CFAP47: variants seen among roughly 807,000 people sequenced by gnomAD.
CFAP47 encodes cilia- and flagella-associated protein 47.
In CFAP47, 29 loss-of-function variants were observed where a neutral mutation model predicts 148.1. The observed-to-expected ratio is 0.20, with a 90% CI of 0.15 to 0.27. The LOEUF is 0.27. Ranked by LOEUF, CFAP47 falls within the 10% of genes least tolerant of loss-of-function variation. CFAP47 has a pLI of 1.00. For synonymous variants in CFAP47, 664 were observed against 577.3 expected, an observed-to-expected ratio of 1.15 and a Z score of -2.15; for missense variants, 1,872 against 1,697.5, an observed-to-expected ratio of 1.10 and a Z score of -1.81.
At chrX:35,945,807 G>T (rs1320923087) in intron 3 of CFAP47, among the ~76,000 whole-genome samples, 1 of 108,966 alleles carries the variant, frequency 9.2e-6, no homozygotes, top group African/African-American at 3.3e-5. Flanking sequence ...TATCTGAGAA[G>T]AAATGAAAAT....
chrX:35,928,729 C>G (rs1935782553), intron 2 of CFAP47, among the ~76,000 whole-genome samples: 1 of 110,788 alleles, frequency 9.0e-6, no homozygotes, highest in Admixed American at 9.6e-5. Flanking sequence ...TCTAAGAACT[C>G]TTTACCTAAT....
Position 36,181,932 on chromosome X carries a change from G to A in CFAP47, c.6104+2510G>A, listed in dbSNP as rs957440581. The stretch of plus-strand genomic sequence containing the variant: ...GAGATGATGGCTGAGGCCCAAGTCC[G>A]TATGTTGAATTGAGATAAAGTAGTC... On this transcript the variant is annotated intron_variant, in intron 40 of 63. Transcript: ENST00000378653. Among the ~76,000 whole-genome samples the A allele has an allele frequency of 3.6e-5, 4 of 112,352 alleles. No individual in the cohort carries two copies. The East Asian group carries it at 1.1e-3, about 31-fold the overall frequency.
chrX:36,374,237 A>G (rs1219668422), intron 62 of CFAP47, among the ~76,000 whole-genome samples: 1 of 111,139 alleles, frequency 9.0e-6, no homozygotes, highest in Non-Finnish European at 1.9e-5. Context: ...TGGCCCCTTC[A>G]AGCATTCTAT....
At chrX:36,085,674 T>C (rs1938073526) in intron 30 of CFAP47, 136 bp downstream of exon 30, 4 of 286,557 alleles carry the variant, frequency 1.4e-5, no homozygotes, top group African/African-American at 5.9e-5. Context: ...CACATAAATA[T>C]ACACACACGT....
At chrX:36,269,031 T>C (rs1556001472) in intron 49 of CFAP47, among the ~76,000 whole-genome samples, 1 of 111,975 alleles carries the variant, frequency 8.9e-6, no homozygotes, top group Non-Finnish European at 1.9e-5. Context: ...AATATGTCAG[T>C]ATTTCAAAAA....
intron 26 of CFAP47, among the ~76,000 whole-genome samples, chrX:36,049,529 A>C (rs759883644): frequency 1.1e-5 from 1 of 91,073 alleles, no homozygotes; most frequent in African/African-American, 3.8e-5. Context: ...CACACACACT[A>C]GTGAAACTTC....
chrX:35,988,033 G>T (rs1936741620), intron 15 of CFAP47, among the ~76,000 whole-genome samples: 1 of 111,531 alleles, frequency 9.0e-6, no homozygotes, highest in African/African-American at 3.3e-5. Flanking sequence ...GGGAGCTACA[G>T]ACCAGAGCTG....
chrX:36,093,425 G>A (rs146843958), intron 30 of CFAP47, among the ~76,000 whole-genome samples: 13 of 110,989 alleles, frequency 1.2e-4, no homozygotes, highest in African/African-American at 4.2e-4. Flanking sequence ...ATTTGTTACT[G>A]CCTGTCTTTT....
intron 26 of CFAP47, among the ~76,000 whole-genome samples, chrX:36,059,166 T>C (rs1163861942): frequency 8.9e-6 from 1 of 111,939 alleles, no homozygotes; most frequent in African/African-American, 3.2e-5. Context: ...CATTTCAAAG[T>C]ATAACTATTC....
intron 57 of CFAP47, among the ~76,000 whole-genome samples, chrX:36,345,781 C>G (rs959059852): frequency 9.0e-6 from 1 of 111,228 alleles, no homozygotes; most frequent in Non-Finnish European, 1.9e-5. Flanking sequence ...TGAATATAGT[C>G]AATACTCAAC....
At chrX:35,928,370 T>G (rs1273997355) in intron 2 of CFAP47, among the ~76,000 whole-genome samples, 1 of 111,621 alleles carries the variant, frequency 9.0e-6, no homozygotes, top group Non-Finnish European at 1.9e-5. Flanking sequence ...TAATGGAATC[T>G]CTCCATAGTT....
At chrX:36,121,504 T>C (rs1250574453) in intron 33 of CFAP47, among the ~76,000 whole-genome samples, 2 of 111,079 alleles carry the variant, frequency 1.8e-5, no homozygotes, top group Non-Finnish European at 3.8e-5. Flanking sequence ...TGATTTAGTG[T>C]TTTGCTTTAT....
intron 45 of CFAP47, among the ~76,000 whole-genome samples, chrX:36,210,051 C>G (rs940544260): frequency 1.8e-5 from 2 of 111,923 alleles, no homozygotes; most frequent in Admixed American, 1.9e-4. Context: ...TAGTAATGAT[C>G]AAATAATATT....
At chrX:36,049,760 G>A (rs763332114) in intron 26 of CFAP47, among the ~76,000 whole-genome samples, 4 of 111,888 alleles carry the variant, frequency 3.6e-5, no homozygotes, top group Non-Finnish European at 7.5e-5. Context: ...CCGCACATTT[G>A]TTATTGGCCG....
chrX:36,261,124 C>CTTTTT (rs33916345), intron 49 of CFAP47, among the ~76,000 whole-genome samples: 1 of 78,066 alleles, frequency 1.3e-5, no homozygotes, highest in African/African-American at 5.0e-5. Context: ...AGTATAGTTT[C>CTTTTT]TTTTTTTTTT....
At chrX:36,324,507 C>T (rs912619899) in intron 57 of CFAP47, among the ~76,000 whole-genome samples, 3 of 111,511 alleles carry the variant, frequency 2.7e-5, no homozygotes, top group Non-Finnish European at 3.8e-5. Flanking sequence ...TTGACTGTAA[C>T]ATGGATAAGC....
intron 61 of CFAP47, among the ~76,000 whole-genome samples, chrX:36,366,413 G>A (rs1941876731): frequency 9.0e-6 from 1 of 111,714 alleles, no homozygotes; most frequent in East Asian, 2.8e-4. Context: ...ATCTTATTCT[G>A]CAAGGTGTAT....
chrX:36,135,587 G>A (rs1228090780), intron 33 of CFAP47, among the ~76,000 whole-genome samples: 1 of 111,889 alleles, frequency 8.9e-6, no homozygotes, highest in Non-Finnish European at 1.9e-5. Context: ...AACTTTTATG[G>A]CATTTTGGTA....
intron 2 of CFAP47, 53 bp from the exon 3 acceptor site, chrX:35,941,230 C>G: frequency 1.5e-6 from 1 of 652,608 alleles, no homozygotes. Context: ...ATTTAGCTAT[C>G]AGGCTCTTAT....
Sources: allele counts gnomAD v4.1 joint callset (sites outside exome capture counted in the v4.1 genomes callset), GRCh38; gene constraint gnomAD v4.1.1; transcripts MANE v1.5; gene names NCBI Gene and HGNC (gene_info 2026-07-23, HGNC 2026-07-21).